Variants in ZNF518A observed in about 807,000 individuals in gnomAD.
ZNF518A encodes zinc finger protein 518.
In ZNF518A, 47 loss-of-function variants were observed where a neutral mutation model predicts 102.7. That is an observed-to-expected ratio of 0.46 (90% CI 0.36 to 0.58). ZNF518A has a LOEUF of 0.58. Among genes scored for constraint, ZNF518A ranks in the 20% least tolerant of loss-of-function variants. The pLI, the probability that ZNF518A is intolerant of heterozygous loss-of-function variation, is 0.00. For synonymous variants in ZNF518A, 652 were observed against 594.6 expected, an observed-to-expected ratio of 1.10 and a Z score of -1.40; for missense variants, 1,793 against 1,699.8, an observed-to-expected ratio of 1.05 and a Z score of -0.96.
intron 3 of ZNF518A, among the ~76,000 whole-genome samples, chr10:96,142,310 G>C (rs1405140638): frequency 3.1e-5 from 1 of 32,558 alleles, no homozygotes; most frequent in Non-Finnish European, 5.7e-5. Flanking sequence ...CTTAGGGTGT[G>C]TGTGTGTGTG....
chr10:96,131,911 C>CT (rs2142211169), intron 1 of ZNF518A, among the ~76,000 whole-genome samples: 1 of 152,108 alleles, frequency 6.6e-6, no homozygotes, highest in South Asian at 2.1e-4. Context: ...TTTAAATGCC[C>CT]TTTAAGTGTA....
intron 3 of ZNF518A, among the ~76,000 whole-genome samples, chr10:96,134,689 T>C (rs1439625096): frequency 1.3e-5 from 2 of 152,244 alleles, no homozygotes; most frequent in South Asian, 4.1e-4. Context: ...TGTATTAATT[T>C]ATCTTGAAAA....
At chr10:96,182,000 T>C (rs905330694) in intron 1 of ZNF518A, among the ~76,000 whole-genome samples, 4 of 152,226 alleles carry the variant, frequency 2.6e-5, no homozygotes, top group African/African-American at 9.7e-5. Flanking sequence ...GTTTGTGTCC[T>C]CTTTTATTTC....
chr10:96,173,565 C>T (rs1327920688), intron 1 of ZNF518A, among the ~76,000 whole-genome samples: 1 of 152,036 alleles, frequency 6.6e-6, no homozygotes. Context: ...AGTGTCAACT[C>T]ATCAGGAAGC....
At chr10:96,144,358 A>G (rs182590916) in intron 3 of ZNF518A, among the ~76,000 whole-genome samples, 1 of 152,112 alleles carries the variant, frequency 6.6e-6, no homozygotes, top group South Asian at 2.1e-4. Flanking sequence ...TTCAGTACAC[A>G]TACTTCTTTC....
At chr10:96,178,621 G>T (rs915914271) in intron 1 of ZNF518A, among the ~76,000 whole-genome samples, 7 of 151,898 alleles carry the variant, frequency 4.6e-5, no homozygotes, top group African/African-American at 1.4e-4. Context: ...TAATCAATGA[G>T]TAGAAAACAG....
At chr10:96,198,388 G>C (rs1216861926) in intron 1 of ZNF518A, among the ~76,000 whole-genome samples, 5 of 152,154 alleles carry the variant, frequency 3.3e-5, no homozygotes, top group African/African-American at 1.2e-4. Flanking sequence ...GGATATAAGA[G>C]AAAACTTAAA....
chr10:96,141,997 C>T (rs1253898343), intron 3 of ZNF518A, among the ~76,000 whole-genome samples: 3 of 152,190 alleles, frequency 2.0e-5, no homozygotes, highest in African/African-American at 7.2e-5. Context: ...CTGCCTCTGC[C>T]TCCCAAAGTG....
Position 96,159,904 on chromosome 10 carries a change from C to T in ZNF518A, c.3582C>T (p.Pro1194=). Residue 1194 remains proline (P), a synonymous_variant, in exon 6 of 6, where the codon CCC becomes CCT. Coordinates refer to ENST00000316045, the MANE Select transcript of ZNF518A (RefSeq NM_001330736.2). ...QKEPESRDAL[P]FLLDDLMPAN... Reference sequence around the variant, plus strand: ...AGCCAGAATCTAGAGATGCCTTACCCTTCTTACTAGATGACTTAATGCCAG... The same window carrying T: ...AGCCAGAATCTAGAGATGCCTTACCTTTCTTACTAGATGACTTAATGCCAG... The T allele has an allele frequency of 1.2e-6, 2 of 1,613,490 alleles. No individual in the cohort carries two copies. The highest frequency in any genetic ancestry group is 1.7e-6 in the Non-Finnish European group (2 of 1,179,708).
rs951631884 is a variant in ZNF518A, at chr10:96,130,450, G to C, written c.-755G>C. ...CTCCTACATTCTAGGAGCTGGGTGG[G>C]AGTAGGAGACGGTGTGCCTCCGCGC... On this transcript the variant is annotated 5_prime_UTR_variant, in exon 1 of 6. Coordinates refer to ENST00000316045, the MANE Select transcript of ZNF518A (RefSeq NM_001330736.2). Among the ~76,000 whole-genome samples, 2 of 152,250 alleles carry C rather than the reference G, an allele frequency of 1.3e-5. No individual in the cohort carries two copies. The highest frequency in any genetic ancestry group is 2.9e-5 in the Non-Finnish European group (2 of 68,046).
intron 1 of ZNF518A, among the ~76,000 whole-genome samples, chr10:96,191,019 A>G (rs1166580191): frequency 6.6e-6 from 1 of 152,030 alleles, no homozygotes; most frequent in African/African-American, 2.4e-5. Flanking sequence ...CATGGGAGGG[A>G]CCTGGTGGGA....
At chr10:96,198,945 C>A (rs1348503803) in intron 1 of ZNF518A, among the ~76,000 whole-genome samples, 2 of 152,168 alleles carry the variant, frequency 1.3e-5, no homozygotes. Context: ...GTGATCCACT[C>A]ACCTCGGCCC....
chr10:96,160,223 G>C lies in ZNF518A; in HGVS notation c.3901G>C (p.Glu1301Gln), dbSNP rs2082937871. 1 of 1,612,408 alleles carries C rather than the reference G, an allele frequency of 6.2e-7. No individual in the cohort carries two copies. Among genetic ancestry groups the C allele is most frequent in the Non-Finnish European group, 8.5e-7 (1 of 1,179,330 alleles). ...RKATLHRKCK[E>Q]KAKPEDVRET... is the part of the protein sequence containing the mutation. ...AGCAACATTGCATAGAAAGTGTAAA[G>C]AAAAGGCAAAACCTGAAGATGTCCG... Residue 1301 changes from glutamate to glutamine, a missense_variant, in exon 6 of 6, where the codon GAA becomes CAA. This residue lies in a region of ZNF518A where 1,741 missense variants were observed against 1,622.6 expected (regional missense o/e 1.07). Coordinates refer to ENST00000316045, the MANE Select transcript of ZNF518A (RefSeq NM_001330736.2).
chr10:96,166,691 C>T (rs782159898), downstream of ZNF518A, among the ~76,000 whole-genome samples: 13 of 152,130 alleles, frequency 8.5e-5, no homozygotes, highest in East Asian at 1.9e-4. Context: ...GGTGTGAACC[C>T]GGGAGGCGGA....
At chr10:96,197,292 G>GA (rs1421940892) in intron 1 of ZNF518A, among the ~76,000 whole-genome samples, 2 of 151,248 alleles carry the variant, frequency 1.3e-5, no homozygotes, top group Non-Finnish European at 2.9e-5. Flanking sequence ...TGCCTTTTTT[G>GA]AAAAAAAGGT....
rs376006982 is a variant in ZNF518A, at chr10:96,157,468, T to C, written c.1146T>C (p.Asn382=). The C allele has an allele frequency of 1.9e-6, 3 of 1,613,598 alleles. No homozygotes were observed. The African/African-American group carries it at 4.0e-5, about 22-fold the overall frequency. ...ATGAAAGACTACACTGTGAGAATAA[T>C]GATAAAGCCCCTGAATCAGAGTCAG... The part of the protein sequence containing the change: ...EKDERLHCEN[N]DKAPESESEK... The change falls in exon 6 of 6, where the codon AAT becomes AAC. Residue 382 remains asparagine (N), a synonymous_variant. Transcript: ENST00000316045.
chr10:96,145,622 C>T (rs187125841), intron 3 of ZNF518A, among the ~76,000 whole-genome samples: 27 of 152,282 alleles, frequency 1.8e-4, no homozygotes, highest in African/African-American at 4.3e-4. Context: ...TGACTGGGTA[C>T]GTGTGTGTTG....
downstream of ZNF518A, among the ~76,000 whole-genome samples, chr10:96,165,517 T>C (rs1181715769): frequency 1.4e-5 from 2 of 144,376 alleles, no homozygotes; most frequent in East Asian, 2.0e-4. Flanking sequence ...CTGTAAGATA[T>C]AACTGGGAGA....
At chr10:96,150,106 C>T (rs1554879894) in intron 3 of ZNF518A, among the ~76,000 whole-genome samples, 2 of 150,130 alleles carry the variant, frequency 1.3e-5, no homozygotes, top group South Asian at 2.1e-4. Flanking sequence ...GGGCAGATCA[C>T]GAGGTCAGGA....
Sources: gnomAD v4.1 joint callset for allele counts (sites outside exome capture counted in the v4.1 genomes callset) on GRCh38, gnomAD v4.1.1 for gene constraint, gnomAD v4.1.1 regional missense constraint, MANE v1.5 for transcripts, NCBI Gene and HGNC (gene_info 2026-07-23, HGNC 2026-07-21) for gene names.